The following TUBB8 variants were observed in gnomAD, a reference collection of about 807,000 sequenced individuals.
TUBB8 encodes the protein tubulin beta 8 class VIII.
A neutral mutation model predicts 33.7 loss-of-function variants in TUBB8; 25 were observed. The ratio of observed to expected loss-of-function variants is 0.74; its 90% CI spans 0.54 to 1.04. The LOEUF (loss-of-function observed/expected upper bound fraction) is 1.04, where lower values mean the gene tolerates loss of function less well. TUBB8 is among the 50% of genes least tolerant of loss of function. TUBB8 has a pLI of 0.00. For synonymous variants in TUBB8, 245 were observed against 240.1 expected, an observed-to-expected ratio of 1.02 and a Z score of -0.19; for missense variants, 279 against 608.0, an observed-to-expected ratio of 0.46 and a Z score of 5.69.
chr10:72,438 A>G (rs1350495972), intron 1 of TUBB8, among the ~76,000 whole-genome samples: 1 of 143,138 alleles, frequency 7.0e-6, no homozygotes, highest in Non-Finnish European at 1.5e-5. Flanking sequence ...CAGGCCTGGA[A>G]TCCCAGCTAC....
At chr10:75,335 C>G (rs1476216198), upstream of TUBB8, among the ~76,000 whole-genome samples, 1 of 151,318 alleles carries the variant, frequency 6.6e-6, no homozygotes, top group African/African-American at 2.4e-5. Context: ...GGTGACAGAG[C>G]AAGACCTTCT....
upstream of TUBB8, among the ~76,000 whole-genome samples, chr10:52,430 CAGAG>C (rs1564207305): frequency 6.6e-6 from 1 of 152,328 alleles, no homozygotes; most frequent in East Asian, 1.9e-4. Context: ...TGAGGTGAGT[CAGAG>C]AGCACAGTGA....
intron 1 of TUBB8, among the ~76,000 whole-genome samples, chr10:66,305 C>G (rs1475358852): frequency 6.6e-6 from 1 of 152,244 alleles, no homozygotes; most frequent in African/African-American, 2.4e-5. Context: ...ACACAGTAAT[C>G]TGCTGTATTT....
At chr10:54,134 A>C (rs1834501906), upstream of TUBB8, among the ~76,000 whole-genome samples, 1 of 152,180 alleles carries the variant, frequency 6.6e-6, no homozygotes, top group South Asian at 2.1e-4. Flanking sequence ...TGTCTTATTC[A>C]TTCTTTCTAA....
chr10:61,551 G>T (rs1177844888), intron 1 of TUBB8, among the ~76,000 whole-genome samples: 8 of 152,192 alleles, frequency 5.3e-5, no homozygotes, highest in African/African-American at 1.9e-4. Context: ...TAACCCATGT[G>T]CAGAGAAGAA....
intron 1 of TUBB8, among the ~76,000 whole-genome samples, chr10:58,314 A>T (rs184906246): frequency 6.6e-6 from 1 of 152,368 alleles, no homozygotes; most frequent in African/African-American, 2.4e-5. Context: ...TCTGAGTGCT[A>T]CAAACTCTTC....
intron 1 of TUBB8, among the ~76,000 whole-genome samples, chr10:64,156 C>T (rs1399160464): frequency 2.0e-5 from 3 of 152,200 alleles, no homozygotes; most frequent in Non-Finnish European, 2.9e-5. Context: ...ACATAAGCAC[C>T]CCTGAGGCCA....
At chr10:50,798 G>C (rs1439478478), upstream of TUBB8, among the ~76,000 whole-genome samples, 2 of 152,254 alleles carry the variant, frequency 1.3e-5, no homozygotes, top group African/African-American at 4.8e-5. Flanking sequence ...GTCGAAGCCA[G>C]CAAGGCTTGT....
chr10:65,399 C>T (rs1358663276), intron 1 of TUBB8, among the ~76,000 whole-genome samples: 1 of 152,228 alleles, frequency 6.6e-6, no homozygotes, highest in African/African-American at 2.4e-5. Context: ...CAGAAAGGTA[C>T]AGATCAATGT....
intron 1 of TUBB8, among the ~76,000 whole-genome samples, chr10:63,764 C>A (rs2130945855): frequency 6.6e-6 from 1 of 152,266 alleles, no homozygotes; most frequent in South Asian, 2.1e-4. Context: ...GGTCACATAT[C>A]TCTATTTTTC....
intron 1 of TUBB8, among the ~76,000 whole-genome samples, chr10:60,348 A>G (rs1463939177): frequency 1.3e-5 from 2 of 151,486 alleles, no homozygotes; most frequent in African/African-American, 4.8e-5. Flanking sequence ...GCTAATATCC[A>G]GAATCTACAA....
chr10:60,931 A>G (rs1295120086), intron 1 of TUBB8, among the ~76,000 whole-genome samples: 2 of 152,110 alleles, frequency 1.3e-5, no homozygotes, highest in Non-Finnish European at 2.9e-5. Context: ...TTATAGGGAC[A>G]TGGATGAAAC....
At chr10:70,675 A>G (rs1221847706) in intron 1 of TUBB8, among the ~76,000 whole-genome samples, 1 of 151,982 alleles carries the variant, frequency 6.6e-6, no homozygotes, top group Non-Finnish European at 1.5e-5. Context: ...CCCAGTCTCT[A>G]CTAAAAATAC....
chr10:51,892 G>A (rs1424189635), upstream of TUBB8, among the ~76,000 whole-genome samples: 1 of 152,144 alleles, frequency 6.6e-6, no homozygotes, highest in African/African-American at 2.4e-5. Flanking sequence ...TCAGAGGATC[G>A]CTAAGGAAAG....
chr10:64,975 T>TAAAAAAAAAAAAA (rs61340461), intron 1 of TUBB8, among the ~76,000 whole-genome samples: 23 of 118,544 alleles, frequency 1.9e-4, no homozygotes, highest in South Asian at 3.0e-4. Context: ...CCATCTCCAC[T>TAAAAAAAAAAAAA]AAAAAAAAAA....
chr10:64,359 C>G (rs185646461), intron 1 of TUBB8, among the ~76,000 whole-genome samples: 1 of 149,376 alleles, frequency 6.7e-6, no homozygotes, highest in Non-Finnish European at 1.5e-5. Context: ...TAACCCTAAC[C>G]CCCAACCCCA....
At chr10:50,596 A>G (rs1834455128), upstream of TUBB8, among the ~76,000 whole-genome samples, 1 of 152,206 alleles carries the variant, frequency 6.6e-6, no homozygotes, top group African/African-American at 2.4e-5. Context: ...CACTCTAACA[A>G]GCTCAAAATC....
intron 1 of TUBB8, among the ~76,000 whole-genome samples, chr10:57,219 T>C (rs1554740234): frequency 6.6e-6 from 1 of 152,222 alleles, no homozygotes; most frequent in African/African-American, 2.4e-5. Context: ...GGGCTGGTAT[T>C]GTGTGCCTCT....
At position 47,333 on chromosome 10, in the gene TUBB8, G is replaced by A; in HGVS notation, c.1059C>T (p.Val353=). 6.2e-7 allele frequency: 1 copy of A among 1,613,486 alleles called. No homozygotes were observed. The highest frequency in any genetic ancestry group is 8.5e-7 in the Non-Finnish European group (1 of 1,180,010). The change falls in exon 4 of 4, where the codon GTC becomes GTT. Residue 353 remains valine, a synonymous_variant. Transcript: ENST00000568584. ...TTAGCCCCCGGGGTGGGATGTCACA[G>A]ACGGCTGTTTTTACGTTGTTGGGGA... is the stretch of plus-strand genomic sequence containing the variant. The part of the protein sequence containing the change: ...DWLPNNVKTA[V]CDIPPRGLKM...
Sources: gnomAD v4.1 joint callset for allele counts (sites outside exome capture counted in the v4.1 genomes callset) on GRCh38, gnomAD v4.1.1 for gene constraint, MANE v1.5 for transcripts, NCBI Gene and HGNC (gene_info 2026-07-23, HGNC 2026-07-21) for gene names.